Variants in BRD2 observed in about 807,000 individuals in gnomAD.
BRD2 encodes the protein bromodomain-containing protein 2.
A neutral mutation model predicts 79.1 loss-of-function variants in BRD2; 15 were observed. The observed-to-expected ratio is 0.19, with a 90% CI of 0.13 to 0.29. The LOEUF (loss-of-function observed/expected upper bound fraction) is 0.29, where lower values mean the gene tolerates loss of function less well. Ranked by LOEUF, BRD2 falls within the 10% of genes least tolerant of loss-of-function variation. The pLI, the probability that BRD2 is intolerant of heterozygous loss-of-function variation, is 1.00. For missense variants in BRD2, 1,053 were observed against 991.3 expected (o/e 1.06, Z -0.84); for synonymous variants, 488 against 358.6 (o/e 1.36, Z -4.08).
chr6:32,972,998 G>T (rs1778229356), intron 2 of BRD2, 71 bp downstream of exon 2: 169 of 1,613,708 alleles, frequency 1.0e-4, no homozygotes, highest in Non-Finnish European at 1.4e-4. Context: ...GGGGCGCCGT[G>T]TTGGGAGTAC....
intron 2 of BRD2, 68 bp downstream of exon 2, chr6:32,972,995 C>A: frequency 6.2e-7 from 1 of 1,613,780 alleles, no homozygotes; most frequent in South Asian, 1.1e-5. Context: ...TGTGGGGCGC[C>A]GTGTTGGGAG....
chr6:32,977,090 G>A (rs1778862529), intron 7 of BRD2, 154 bp downstream of exon 7: 3 of 1,270,776 alleles, frequency 2.4e-6, no homozygotes, highest in African/African-American at 1.5e-5. Flanking sequence ...GGTGTTTTGA[G>A]AATTTGTATT....
rs1229286772 is a variant in BRD2, at chr6:32,972,262, A to G, written c.-637A>G. 8.9e-6 allele frequency: 4 copies of G among 447,374 alleles called. No individual in the cohort carries two copies. The highest frequency in any genetic ancestry group is 1.7e-5 in the Non-Finnish European group (4 of 240,028). The allele number at this position is 447,374 out of a possible 1,614,324, so 27.7% of individuals were successfully genotyped here. A position where few individuals can be genotyped will look rare whatever the true frequency, so the allele number is the denominator to read the frequency against. On this transcript the variant is annotated 5_prime_UTR_variant, in exon 2 of 13. Coordinates refer to ENST00000374825, the MANE Select transcript of BRD2 (RefSeq NM_005104.4). ...TGGAGGATTCTGCCTACCGATACAG[A>G]GCCTTCGAGTCGTCCGGGGCCGCCA...
chr6:32,980,776 G>A lies in BRD2; in HGVS notation c.*58G>A. On this transcript the variant is annotated 3_prime_UTR_variant, in exon 13 of 13. Transcript: ENST00000374825. Reference sequence around the variant, plus strand: ...CAGGACCGGACCCCTAGACCACCCTGCCCCACCTGCCCCTTCCCCCTTTGC... The same window carrying A: ...CAGGACCGGACCCCTAGACCACCCTACCCCACCTGCCCCTTCCCCCTTTGC... 1 of 1,581,504 alleles carries A rather than the reference G, an allele frequency of 6.3e-7. No homozygotes were observed. Among genetic ancestry groups the A allele is most frequent in the Non-Finnish European group, 8.6e-7 (1 of 1,156,590 alleles).
intron 11 of BRD2, 32 bp from the exon 12 acceptor site, chr6:32,980,309 TC>T (rs753413842): frequency 8.1e-6 from 13 of 1,610,994 alleles, no homozygotes; most frequent in Non-Finnish European, 9.3e-6. Context: ...CTTGGGGCAA[TC>T]TTAATGTATC....
rs762864808 is a variant in BRD2 at position 32,972,277 on chromosome 6, C to T, written c.-622C>T. The stretch of plus-strand genomic sequence containing the variant: ...ACCGATACAGAGCCTTCGAGTCGTC[C>T]GGGGCCGCCATTACAATCCACCTCC... On this transcript the variant is annotated 5_prime_UTR_variant, in exon 2 of 13. Transcript: ENST00000374825. The T allele has an allele frequency of 2.1e-5, 9 of 425,232 alleles. No homozygotes were observed. The highest frequency in any genetic ancestry group is 3.1e-5 in the Non-Finnish European group (7 of 226,148). 26.3% of individuals were successfully genotyped at this position (425,232 alleles called of 1,614,324 possible). A position where few individuals can be genotyped will look rare whatever the true frequency, so the allele number is the denominator to read the frequency against.
In BRD2 at chr6:32,973,157, G is replaced by A. The variant is rs975602905; in HGVS notation, c.29+230G>A. On this transcript the variant is annotated intron_variant, in intron 2 of 12. Transcript: ENST00000374825. ...TGTCAATTTATACGCTATTAATGCC[G>A]CCGTGGCCCAGTCTTAACCGAGTCA... 12 of 1,545,620 alleles carry A rather than the reference G, an allele frequency of 7.8e-6. 1 individual carries two copies. The highest frequency in any genetic ancestry group is 2.0e-5 in the Admixed American group (1 of 50,810).
rs2071571 is a variant in BRD2, at chr6:32,972,844, C to T, written c.-55C>T. 64,505 of 1,613,284 alleles carry T rather than the reference C, an allele frequency of 0.04. 2,462 individuals carry two copies. Among genetic ancestry groups the T allele is most frequent in the East Asian group, 0.19 (8,642 of 44,868 alleles). ...TGCTGGACCGGGCGGTGAGGGGAAC[C>T]GAGGCCACCCGGACTTTCCGCGGCT... On this transcript the variant is annotated 5_prime_UTR_variant, in exon 2 of 13. Transcript: ENST00000374825.
At chr6:32,979,652 C>CATAGTGCAAAT (rs373717958) in intron 10 of BRD2, 176 bp from the exon 11 acceptor site, 31,334 of 674,198 alleles carry the variant, frequency 0.046, 882 homozygotes, top group African/African-American at 0.089. Flanking sequence ...TACAGTCGAG[C>CATAGTGCAAAT]AAAATGCTCT....
chr6:32,969,411 G>T, intron 1 of BRD2: 1 of 714,252 alleles, frequency 1.4e-6, no homozygotes, highest in Non-Finnish European at 2.6e-6. Flanking sequence ...GCTGAGGAGT[G>T]GTGGCTGTGG....
At chr6:32,970,660 G>T (rs72865874) in intron 1 of BRD2, 3,602 of 152,260 alleles carry the variant, frequency 0.024, 63 homozygotes, top group South Asian at 0.039. Context: ...TTTCTCGGGT[G>T]GGGGAGATCC....
At position 32,972,814 on chromosome 6, in the gene BRD2, G is replaced by T; in HGVS notation, c.-85G>T. On this transcript the variant is annotated 5_prime_UTR_variant, in exon 2 of 13. Coordinates refer to ENST00000374825, the MANE Select transcript of BRD2 (RefSeq NM_005104.4). ...GGAACGGCCTCCCCCCAACTTAGCGGGTTATGCTGGACCGGGCGGTGAGGG... is the reference window on the plus strand; with the variant it reads ...GGAACGGCCTCCCCCCAACTTAGCGTGTTATGCTGGACCGGGCGGTGAGGG... 1 of 1,602,524 alleles carries T rather than the reference G, an allele frequency of 6.2e-7. No homozygotes were observed. Among genetic ancestry groups the T allele is most frequent in the Non-Finnish European group, 8.5e-7 (1 of 1,172,662 alleles).
In BRD2 at chr6:32,980,410, C is replaced by G; in HGVS notation, c.2215C>G (p.Arg739Gly). The change falls in exon 12 of 13, where the codon CGG (arginine) becomes GGG (glycine). Residue 739 changes from arginine (R) to glycine (G), a missense_variant. Arg to Gly is a moderately radical substitution (Grantham distance 125). Coordinates refer to ENST00000374825, the MANE Select transcript of BRD2 (RefSeq NM_005104.4). ...GGAGAAAAAGCGGGAATTAGAAAAG[C>G]GGTTACAAGATGTCAGCGGACAGCT... ...ALEKKRELEK[R>G]LQDVSGQLNS... 6.2e-7 allele frequency: 1 copy of G among 1,613,026 alleles called. No individual in the cohort carries two copies. Among genetic ancestry groups the G allele is most frequent in the Non-Finnish European group, 8.5e-7 (1 of 1,180,020 alleles).
rs1206257926 is a variant in BRD2, at chr6:32,976,128, C to T, written c.569C>T (p.Thr190Ile). ...MPQEEQELVV[T>I]IPKNSHKKGA... ...CAAGAAGAACAAGAGCTGGTAGTGA[C>T]CATCCCTAAGAACAGCCACAAGAAG... The change falls in exon 5 of 13, where the codon ACC becomes ATC. Residue 190 changes from threonine (T) to isoleucine (I), a missense_variant. This residue lies in a region of BRD2 where 413 missense variants were observed against 335.1 expected (regional missense o/e 1.23). Transcript: ENST00000374825. 2.5e-6 allele frequency: 4 copies of T among 1,612,880 alleles called. No individual in the cohort carries two copies. Among genetic ancestry groups the T allele is most frequent in the South Asian group, 1.1e-5 (1 of 91,046 alleles).
At position 32,980,360 on chromosome 6, in the gene BRD2, G is replaced by A; in HGVS notation, c.2165G>A (p.Gly722Glu). The change falls in exon 12 of 13, where the codon GGA (glycine) becomes GAA (glutamate). Residue 722 changes from glycine to glutamate, a missense_variant. By Grantham distance (98) the Gly-to-Glu change is moderately conservative. This residue lies in a region of BRD2 where 139 missense variants were observed against 133.2 expected (regional missense o/e 1.04). Transcript: ENST00000374825. ...RKPYTIKKPV[G>E]KTKEELALEK... The stretch of plus-strand genomic sequence containing the variant: ...TCATTAGCCATTAAGAAGCCTGTGG[G>A]AAAGACAAAGGAGGAACTGGCTTTG... 6.2e-7 allele frequency: 1 copy of A among 1,613,030 alleles called. No individual in the cohort carries two copies. Among genetic ancestry groups the A allele is most frequent in the Non-Finnish European group, 8.5e-7 (1 of 1,180,018 alleles).
In BRD2 at chr6:32,977,428, G is replaced by C; in HGVS notation, c.1201-14G>C. ...TCCTGCCTGTGCAGCTTCTGATGCT[G>C]CCTCCTTCTGCAGCGGAAGATGGAG... On this transcript the variant is annotated splice_polypyrimidine_tract_variant and intron_variant, in intron 7 of 12. Coordinates refer to ENST00000374825, the MANE Select transcript of BRD2 (RefSeq NM_005104.4). The C allele has an allele frequency of 6.2e-7, 1 of 1,613,770 alleles. No individual in the cohort carries two copies. The highest frequency in any genetic ancestry group is 8.5e-7 in the Non-Finnish European group (1 of 1,180,026).
At chr6:32,979,621 A>G in intron 10 of BRD2, 1 of 573,034 alleles carries the variant, frequency 1.7e-6, no homozygotes, top group Non-Finnish European at 3.0e-6. Flanking sequence ...TTGTCTTTTT[A>G]AAGACATGTT....
intron 10 of BRD2, 43 bp downstream of exon 10, chr6:32,978,431 T>C (rs1455224684): frequency 6.3e-7 from 1 of 1,593,450 alleles, no homozygotes; most frequent in Non-Finnish European, 8.5e-7. Flanking sequence ...GCTATTTCTG[T>C]CTCTCTGGGG....
chr6:32,969,996 T>C (rs866036155), intron 1 of BRD2, among the ~76,000 whole-genome samples: 1 of 152,120 alleles, frequency 6.6e-6, no homozygotes, highest in African/African-American at 2.4e-5. Context: ...CCCTGGTGAC[T>C]CATGTGGGGG....
Sources: allele counts gnomAD v4.1 joint callset (sites outside exome capture counted in the v4.1 genomes callset), GRCh38; gene constraint gnomAD v4.1.1; regional missense constraint gnomAD v4.1.1; transcripts MANE v1.5; gene names NCBI Gene and HGNC (gene_info 2026-07-23, HGNC 2026-07-21).